The following GUCY1A2 variants were observed in gnomAD, a reference collection of about 807,000 sequenced individuals.
The protein encoded by GUCY1A2 is guanylate cyclase 1 soluble subunit alpha 2, also known as guanylate cyclase soluble subunit alpha-2.
A neutral mutation model predicts 63.5 loss-of-function variants in GUCY1A2; 27 were observed. The observed-to-expected ratio is 0.43, with a 90% confidence interval of 0.31 to 0.59. The LOEUF (loss-of-function observed/expected upper bound fraction) is 0.59, where lower values mean the gene tolerates loss of function less well. Ranked by LOEUF, GUCY1A2 falls within the 20% of genes least tolerant of loss-of-function variation. GUCY1A2 has a pLI of 0.11. For synonymous variants in GUCY1A2, 364 were observed against 343.5 expected (o/e 1.06, Z -0.66); for missense variants, 768 against 913.3 (o/e 0.84, Z 2.05).
chr11:106,833,305 A>C (rs1468971154), intron 4 of GUCY1A2, among the ~76,000 whole-genome samples: 1 of 152,100 alleles, frequency 6.6e-6, no homozygotes, highest in Non-Finnish European at 1.5e-5. Context: ...TTAGGACTTC[A>C]AAGTATCTTA....
intron 4 of GUCY1A2, among the ~76,000 whole-genome samples, chr11:106,909,425 TA>T: frequency 7.4e-6 from 1 of 135,482 alleles, no homozygotes; most frequent in Non-Finnish European, 1.6e-5. Context: ...TTCATATGTG[TA>T]GGTTTGCATA....
chr11:106,861,047 T>C (rs994050432), intron 4 of GUCY1A2, among the ~76,000 whole-genome samples: 3 of 151,814 alleles, frequency 2.0e-5, no homozygotes, highest in Non-Finnish European at 4.4e-5. Context: ...GCAACTTCCT[T>C]CTCTTATCCT....
chr11:106,911,098 G>A (rs760766758), intron 4 of GUCY1A2, among the ~76,000 whole-genome samples: 3 of 151,858 alleles, frequency 2.0e-5, no homozygotes, highest in Non-Finnish European at 4.4e-5. Context: ...GGAATAAAGG[G>A]GAGAAGAGGA....
At chr11:106,848,195 C>A (rs1859303077) in intron 4 of GUCY1A2, among the ~76,000 whole-genome samples, 1 of 150,886 alleles carries the variant, frequency 6.6e-6, no homozygotes, top group Admixed American at 6.6e-5. Context: ...TTTATTTTTG[C>A]AATTAGAGCT....
intron 6 of GUCY1A2, among the ~76,000 whole-genome samples, chr11:106,744,549 C>T (rs1277817676): frequency 4.6e-5 from 7 of 152,134 alleles, no homozygotes; most frequent in Admixed American, 3.9e-4. Context: ...TTTGACCTTA[C>T]ATTTTTTTGG....
intron 6 of GUCY1A2, among the ~76,000 whole-genome samples, chr11:106,718,264 C>G (rs1341456837): frequency 3.3e-5 from 5 of 151,492 alleles, no homozygotes; most frequent in Non-Finnish European, 7.4e-5. Context: ...GCTATTATCA[C>G]TTGTATAAAA....
intron 4 of GUCY1A2, among the ~76,000 whole-genome samples, chr11:106,825,232 TAA>T (rs1565301709): frequency 6.6e-6 from 1 of 152,176 alleles, no homozygotes; most frequent in Non-Finnish European, 1.5e-5. Flanking sequence ...ATAATTGTCT[TAA>T]GTTTTTTATG....
At chr11:106,984,930 T>G (rs1861382438) in intron 2 of GUCY1A2, among the ~76,000 whole-genome samples, 1 of 152,188 alleles carries the variant, frequency 6.6e-6, no homozygotes, top group Admixed American at 6.5e-5. Context: ...ACTACACTCT[T>G]GAGGATAAGT....
intron 1 of GUCY1A2, among the ~76,000 whole-genome samples, chr11:107,005,241 G>A (rs546542079): frequency 1.3e-4 from 20 of 152,280 alleles, no homozygotes; most frequent in African/African-American, 3.9e-4. Context: ...AGCTGCTGTG[G>A]ACATAATTTG....
At chr11:106,714,100 A>C (rs980522387) in intron 6 of GUCY1A2, among the ~76,000 whole-genome samples, 1 of 151,954 alleles carries the variant, frequency 6.6e-6, no homozygotes, top group African/African-American at 2.4e-5. Context: ...GCCTCCTTTC[A>C]AAAGACCTGA....
intron 2 of GUCY1A2, among the ~76,000 whole-genome samples, chr11:106,980,774 C>A (rs1489583399): frequency 2.6e-5 from 4 of 152,142 alleles, no homozygotes; most frequent in Non-Finnish European, 4.4e-5. Flanking sequence ...TCATTGAGAT[C>A]AGACTCCAAT....
At chr11:106,808,314 T>C (rs1858719449) in intron 5 of GUCY1A2, among the ~76,000 whole-genome samples, 1 of 152,068 alleles carries the variant, frequency 6.6e-6, no homozygotes, top group Non-Finnish European at 1.5e-5. Context: ...TTAAAACTTG[T>C]TGATTATTAT....
chr11:106,729,498 C>A (rs956221674), intron 6 of GUCY1A2, among the ~76,000 whole-genome samples: 8 of 152,046 alleles, frequency 5.3e-5, no homozygotes, highest in Admixed American at 1.3e-4. Context: ...GTCATAGGGA[C>A]TATGTCTTGC....
chr11:106,874,936 T>C (rs1441153356), intron 4 of GUCY1A2, among the ~76,000 whole-genome samples: 1 of 152,100 alleles, frequency 6.6e-6, no homozygotes, highest in African/African-American at 2.4e-5. Flanking sequence ...CAAAACTATC[T>C]CTTACTCCTT....
chr11:106,778,709 C>A (rs920904495), intron 5 of GUCY1A2, among the ~76,000 whole-genome samples: 1 of 151,932 alleles, frequency 6.6e-6, no homozygotes, highest in African/African-American at 2.4e-5. Context: ...TCTGTATTCA[C>A]AGAGCTTAGC....
intron 4 of GUCY1A2, among the ~76,000 whole-genome samples, chr11:106,921,411 A>G (rs1860442395): frequency 6.6e-6 from 1 of 152,110 alleles, no homozygotes; most frequent in Non-Finnish European, 1.5e-5. Context: ...GGTCCAAAAA[A>G]GGCTTCAAAA....
intron 6 of GUCY1A2, among the ~76,000 whole-genome samples, chr11:106,736,622 T>C (rs914404000): frequency 1.3e-5 from 2 of 152,212 alleles, no homozygotes; most frequent in African/African-American, 4.8e-5. Flanking sequence ...GGGTCTTTTA[T>C]GGTTCCATAT....
At chr11:106,721,854 C>T (rs1863322323) in intron 6 of GUCY1A2, among the ~76,000 whole-genome samples, 1 of 152,156 alleles carries the variant, frequency 6.6e-6, no homozygotes, top group African/African-American at 2.4e-5. Context: ...TCCTCCTCAG[C>T]CCCACTGAAG....
intron 2 of GUCY1A2, among the ~76,000 whole-genome samples, chr11:106,983,571 A>G (rs991864305): frequency 2.0e-5 from 3 of 152,208 alleles, no homozygotes; most frequent in African/African-American, 7.2e-5. Context: ...CTGATAAATA[A>G]AACAGATTAA....
Sources: gnomAD v4.1 joint callset for allele counts (sites outside exome capture counted in the v4.1 genomes callset) on GRCh38, gnomAD v4.1.1 for gene constraint, MANE v1.5 for transcripts, NCBI Gene and HGNC (gene_info 2026-07-23, HGNC 2026-07-21) for gene names.